Variants in NBAS observed in about 807,000 individuals in gnomAD.
NBAS encodes NAG/BC035112 fusion.
NBAS carries 219 observed loss-of-function variants against 302.5 expected under a neutral mutation model. The observed-to-expected ratio is 0.72, with a 90% confidence interval of 0.65 to 0.81. NBAS has a LOEUF of 0.81. Among genes scored for constraint, NBAS ranks in the 30% least tolerant of loss-of-function variants. The pLI is 0.00. For synonymous variants in NBAS, 1,118 were observed against 1,021.6 expected (o/e 1.09, Z -1.80); for missense variants, 2,932 against 2,841.6 (o/e 1.03, Z -0.72).
At chr2:14,939,338 A>G in the NBAS span, among the ~76,000 whole-genome samples, 1 of 152,160 alleles carries the variant, frequency 6.6e-6, no homozygotes, top group African/African-American at 2.4e-5. Context: ...GTCTTTTCCT[A>G]TCTCTATTTC....
the NBAS span, among the ~76,000 whole-genome samples, chr2:15,015,582 C>T: frequency 6.6e-6 from 1 of 152,082 alleles, no homozygotes; most frequent in Non-Finnish European, 1.5e-5. Flanking sequence ...TGATAAAATT[C>T]AACACAGCTT....
chr2:15,216,343 G>A (rs1012405915), intron 48 of NBAS, among the ~76,000 whole-genome samples: 1 of 152,184 alleles, frequency 6.6e-6, no homozygotes, highest in Non-Finnish European at 1.5e-5. Context: ...ACTTGTATTA[G>A]AGTCATTCAG....
intron 34 of NBAS, among the ~76,000 whole-genome samples, chr2:15,352,376 A>C: frequency 6.6e-6 from 1 of 152,178 alleles, no homozygotes; most frequent in East Asian, 1.9e-4. Context: ...AGAAGAAAAA[A>C]TTTGACTGGG....
At position 15,525,592 on chromosome 2, in the gene NBAS, A is replaced by T. The variant is rs553320932; in HGVS notation, c.746+8951T>A. Among the ~76,000 whole-genome samples the T allele has an allele frequency of 1.6e-4, 24 of 152,308 alleles. No homozygotes were observed. The South Asian group carries it at 4.8e-3, about 30-fold the overall frequency. ...GAATTATATACTGGAACTCAGTGTC[A>T]AAGGGTCATCAAGGAATTTGAACAT... On this transcript the variant is annotated intron_variant, in intron 9 of 51. Coordinates refer to ENST00000281513, the MANE Select transcript of NBAS (RefSeq NM_015909.4).
the NBAS span, among the ~76,000 whole-genome samples, chr2:14,929,010 T>C: frequency 6.6e-6 from 1 of 152,170 alleles, no homozygotes; most frequent in African/African-American, 2.4e-5. Flanking sequence ...GAAATTGGAC[T>C]AATCTGGATC....
At chr2:15,511,504 C>A (rs1027880059) in intron 9 of NBAS, among the ~76,000 whole-genome samples, 154 bp from the exon 10 acceptor site, 1 of 152,052 alleles carries the variant, frequency 6.6e-6, no homozygotes, top group Non-Finnish European at 1.5e-5. Context: ...AGGAAACAAT[C>A]AAAAGAAAAC....
At chr2:15,034,185 G>GAAAGAGAAAC in the NBAS span, among the ~76,000 whole-genome samples, 24 of 27,214 alleles carry the variant, frequency 8.8e-4, no homozygotes, top group South Asian at 4.1e-3. Flanking sequence ...AAGAATGAAA[G>GAAAGAGAAAC]AAAGAGAAAC....
chr2:14,858,581 C>T, the NBAS span, among the ~76,000 whole-genome samples: 1 of 151,976 alleles, frequency 6.6e-6, no homozygotes, highest in African/African-American at 2.4e-5. Flanking sequence ...AACTTCGCAT[C>T]AACTCACTTA....
At chr2:15,065,152 A>T in the NBAS span, among the ~76,000 whole-genome samples, 1 of 152,156 alleles carries the variant, frequency 6.6e-6, no homozygotes, top group Non-Finnish European at 1.5e-5. Flanking sequence ...TTCTTTCACG[A>T]TATATACATA....
chr2:15,306,039 C>A (rs1274162245), intron 40 of NBAS, among the ~76,000 whole-genome samples: 1 of 152,182 alleles, frequency 6.6e-6, no homozygotes, highest in Non-Finnish European at 1.5e-5. Context: ...CACTGTGTTT[C>A]AATGTACTTA....
At chr2:15,379,031 C>T (rs1465165134) in intron 30 of NBAS, among the ~76,000 whole-genome samples, 2 of 151,920 alleles carry the variant, frequency 1.3e-5, no homozygotes, top group East Asian at 1.9e-4. Flanking sequence ...TACCTAATTA[C>T]GAGAACTCAG....
chr2:15,230,141 G>A (rs1161756658), intron 47 of NBAS, among the ~76,000 whole-genome samples: 1 of 152,056 alleles, frequency 6.6e-6, no homozygotes, highest in Non-Finnish European at 1.5e-5. Context: ...CTAGAGGTTA[G>A]GCTGTCATGT....
chr2:14,955,426 T>C, the NBAS span, among the ~76,000 whole-genome samples: 1 of 152,170 alleles, frequency 6.6e-6, no homozygotes, highest in Non-Finnish European at 1.5e-5. Context: ...ATGGTGGCTT[T>C]CTTCTCACAG....
At chr2:14,992,420 C>A in the NBAS span, among the ~76,000 whole-genome samples, 3 of 152,272 alleles carry the variant, frequency 2.0e-5, no homozygotes, top group African/African-American at 4.8e-5. Flanking sequence ...CCTGTTGTGC[C>A]TAAGACCATC....
intron 11 of NBAS, among the ~76,000 whole-genome samples, chr2:15,491,918 G>GTAC (rs1261807484): frequency 6.6e-6 from 1 of 152,114 alleles, no homozygotes; most frequent in African/African-American, 2.4e-5. Flanking sequence ...AAGAGAAAAG[G>GTAC]TACTGTTTCT....
At chr2:15,439,400 G>C (rs943950110) in intron 21 of NBAS, among the ~76,000 whole-genome samples, 1 of 151,506 alleles carries the variant, frequency 6.6e-6, no homozygotes, top group East Asian at 1.9e-4. Flanking sequence ...AAAGCTAAAA[G>C]GTAAACCTCA....
chr2:14,932,698 G>A, the NBAS span, among the ~76,000 whole-genome samples: 9 of 152,290 alleles, frequency 5.9e-5, no homozygotes, highest in South Asian at 2.1e-4. Flanking sequence ...GAAACTGCAG[G>A]AACACCTGGT....
At chr2:15,411,458 T>G (rs1051881539) in intron 25 of NBAS, among the ~76,000 whole-genome samples, 4 of 152,196 alleles carry the variant, frequency 2.6e-5, no homozygotes, top group Admixed American at 2.6e-4. Flanking sequence ...TGAGTACTTC[T>G]AAATATTTTA....
intron 35 of NBAS, among the ~76,000 whole-genome samples, chr2:15,338,278 T>A (rs1288935478): frequency 6.6e-6 from 1 of 152,180 alleles, no homozygotes; most frequent in Non-Finnish European, 1.5e-5. Flanking sequence ...ACATATAAAC[T>A]AGGCAAGGAT....
Sources: gnomAD v4.1 joint callset for allele counts (sites outside exome capture counted in the v4.1 genomes callset) on GRCh38, gnomAD v4.1.1 for gene constraint, MANE v1.5 for transcripts, NCBI Gene and HGNC (gene_info 2026-07-23, HGNC 2026-07-21) for gene names.